The following EPHA6 variants were observed in gnomAD, a reference collection of about 807,000 sequenced individuals.
EPHA6 encodes the protein ephrin type-A receptor 6.
A neutral mutation model predicts 112.0 loss-of-function variants in EPHA6; 50 were observed. That is an observed-to-expected ratio of 0.45 (90% CI 0.36 to 0.56). The LOEUF is 0.56. Among genes scored for constraint, EPHA6 ranks in the 20% least tolerant of loss-of-function variants. The pLI is 0.00. For missense variants in EPHA6, 1,280 were observed against 1,417.4 expected, an observed-to-expected ratio of 0.90 and a Z score of 1.56; for synonymous variants, 529 against 490.7, an observed-to-expected ratio of 1.08 and a Z score of -1.03.
At chr3:96,878,895 A>G (rs1279936446) in intron 2 of EPHA6, among the ~76,000 whole-genome samples, 1 of 150,612 alleles carries the variant, frequency 6.6e-6, no homozygotes, top group African/African-American at 2.5e-5. Flanking sequence ...TTTATCCTCA[A>G]TATTTAACAT....
At chr3:97,643,785 A>C (rs1032024286) in intron 14 of EPHA6, among the ~76,000 whole-genome samples, 1 of 151,362 alleles carries the variant, frequency 6.6e-6, no homozygotes, top group African/African-American at 2.4e-5. Flanking sequence ...CAGATTCATA[A>C]AGCAAGTCCT....
chr3:97,592,781 AG>A, intron 12 of EPHA6, 44 bp downstream of exon 12: 1 of 1,512,868 alleles, frequency 6.6e-7, no homozygotes. Flanking sequence ...ATACAGCAGT[AG>A]GATTGTGCTC....
At position 97,732,764 on chromosome 3, in the gene EPHA6, C is replaced by T. The variant is rs189878163; in HGVS notation, c.2935-3161C>T. On this transcript the variant is annotated intron_variant, in intron 15 of 17. Coordinates refer to ENST00000389672, the MANE Select transcript of EPHA6 (RefSeq NM_001080448.3). ...ATTAAAAGAGTTAACACATGAACATCGCTTAGAACTGGCCTTGAAAGTACT... is the reference window on the plus strand; with the variant it reads ...ATTAAAAGAGTTAACACATGAACATTGCTTAGAACTGGCCTTGAAAGTACT... Among the ~76,000 whole-genome samples, 19 of 152,060 alleles carry T rather than the reference C, an allele frequency of 1.2e-4. No homozygotes were observed. The East Asian group carries it at 3.3e-3, about 27-fold the overall frequency.
At chr3:96,831,081 T>C (rs2034043026) in intron 1 of EPHA6, among the ~76,000 whole-genome samples, 1 of 152,174 alleles carries the variant, frequency 6.6e-6, no homozygotes, top group African/African-American at 2.4e-5. Context: ...TCCCTGTATT[T>C]TATATTCCTT....
chr3:97,273,345 T>C (rs1051652156), intron 5 of EPHA6, among the ~76,000 whole-genome samples: 1 of 152,116 alleles, frequency 6.6e-6, no homozygotes, highest in Non-Finnish European at 1.5e-5. Context: ...AAACCGGCAG[T>C]GTAAACAAGA....
chr3:97,736,201 G>T, intron 16 of EPHA6, 83 bp downstream of exon 16: 1 of 1,108,122 alleles, frequency 9.0e-7, no homozygotes. Context: ...AGGTAGAAAG[G>T]AAAAAAATGC....
intron 2 of EPHA6, among the ~76,000 whole-genome samples, chr3:96,942,404 C>T (rs2041014854): frequency 6.6e-6 from 1 of 152,164 alleles, no homozygotes; most frequent in African/African-American, 2.4e-5. Context: ...GGGCCTAGGA[C>T]CCTCCGAGCT....
chr3:97,596,777 CATATATATATATATATAT>C (rs57541953), intron 12 of EPHA6, among the ~76,000 whole-genome samples: 3 of 106,210 alleles, frequency 2.8e-5, no homozygotes, highest in Non-Finnish European at 3.7e-5. Flanking sequence ...AACTCATATA[CATATATATATATATATAT>C]ATATATATAT....
chr3:97,106,150 G>A (rs1039874817), intron 3 of EPHA6, among the ~76,000 whole-genome samples: 1 of 152,036 alleles, frequency 6.6e-6, no homozygotes, highest in Non-Finnish European at 1.5e-5. Flanking sequence ...ATATGGAAAT[G>A]CTTAGAAAGA....
At chr3:97,547,292 C>G (rs903102522) in intron 11 of EPHA6, among the ~76,000 whole-genome samples, 5 of 152,074 alleles carry the variant, frequency 3.3e-5, no homozygotes, top group African/African-American at 1.2e-4. Flanking sequence ...CAGAGAGGAC[C>G]CTTAGATGCA....
chr3:96,904,608 T>TA (rs796876626), intron 2 of EPHA6, among the ~76,000 whole-genome samples: 2,653 of 143,812 alleles, frequency 0.018, 69 homozygotes, highest in African/African-American at 0.055. Context: ...AAAGTATAAT[T>TA]AAAAAAAAAA....
At chr3:97,185,410 T>A (rs1321531185) in intron 3 of EPHA6, among the ~76,000 whole-genome samples, 1 of 152,048 alleles carries the variant, frequency 6.6e-6, no homozygotes, top group East Asian at 1.9e-4. Flanking sequence ...GTGAAGGATA[T>A]GAACAGACAC....
chr3:97,565,406 T>C (rs2093250451), intron 11 of EPHA6, among the ~76,000 whole-genome samples: 1 of 152,190 alleles, frequency 6.6e-6, no homozygotes, highest in Non-Finnish European at 1.5e-5. Context: ...GAAAAAGTTT[T>C]AAAATTCTGC....
chr3:97,150,613 T>C (rs2076148914), intron 3 of EPHA6, among the ~76,000 whole-genome samples: 1 of 152,104 alleles, frequency 6.6e-6, no homozygotes, highest in Non-Finnish European at 1.5e-5. Context: ...TGGTTGCCTT[T>C]ATAACTGTGA....
At chr3:97,102,202 G>A (rs2047424634) in intron 3 of EPHA6, among the ~76,000 whole-genome samples, 1 of 152,010 alleles carries the variant, frequency 6.6e-6, no homozygotes, top group Non-Finnish European at 1.5e-5. Flanking sequence ...AGTATCTGAT[G>A]AGTCCTTTCT....
intron 11 of EPHA6, among the ~76,000 whole-genome samples, chr3:97,546,179 G>C (rs1266321480): frequency 3.3e-5 from 5 of 152,102 alleles, no homozygotes; most frequent in African/African-American, 4.8e-5. Context: ...TTACAATTTG[G>C]CATGTTTTTG....
chr3:97,516,145 G>A (rs552422898), intron 10 of EPHA6, among the ~76,000 whole-genome samples: 41 of 152,220 alleles, frequency 2.7e-4, no homozygotes, highest in African/African-American at 9.4e-4. Flanking sequence ...ACATTAATCT[G>A]TATCTCTCAA....
intron 5 of EPHA6, among the ~76,000 whole-genome samples, chr3:97,279,839 G>A (rs2080226042): frequency 1.3e-5 from 2 of 152,106 alleles, no homozygotes; most frequent in Admixed American, 1.3e-4. Flanking sequence ...AGAAATAACT[G>A]CCAATAATTA....
chr3:97,510,603 G>A (rs1335713056), intron 10 of EPHA6, among the ~76,000 whole-genome samples: 1 of 152,150 alleles, frequency 6.6e-6, no homozygotes, highest in Non-Finnish European at 1.5e-5. Context: ...GTGGAGCTCT[G>A]TTATATGGGG....
Sources: gnomAD v4.1 joint callset for allele counts (sites outside exome capture counted in the v4.1 genomes callset) on GRCh38, gnomAD v4.1.1 for gene constraint, MANE v1.5 for transcripts, NCBI Gene and HGNC (gene_info 2026-07-23, HGNC 2026-07-21) for gene names.